Variants in INIP observed in about 807,000 individuals in gnomAD.
INIP encodes INTS3 and NABP interacting protein, also known as SOSS complex subunit C.
A neutral mutation model predicts 14.0 loss-of-function variants in INIP; 9 were observed. The observed-to-expected ratio is 0.64, with a 90% CI of 0.39 to 1.12. INIP has a LOEUF of 1.12. Among genes scored for constraint, INIP ranks in the 50% most tolerant of loss-of-function variants. The probability of loss-of-function intolerance (pLI) is 0.01; values close to 1 mark genes in which losing one functional copy is unlikely to be tolerated. For synonymous variants in INIP, 37 were observed against 41.5 expected (o/e 0.89, Z 0.41); for missense variants, 78 against 122.7 (o/e 0.64, Z 1.72).
chr9:112,688,072 C>T (rs1164243146), intron 4 of INIP, among the ~76,000 whole-genome samples: 2 of 147,704 alleles, frequency 1.4e-5, no homozygotes, highest in South Asian at 2.1e-4. Flanking sequence ...GGCGACAGAG[C>T]GAGACTCCAT....
chr9:112,706,717 A>G (rs190272931), intron 2 of INIP, among the ~76,000 whole-genome samples: 2 of 152,142 alleles, frequency 1.3e-5, no homozygotes, highest in Non-Finnish European at 2.9e-5. Context: ...TTAGTCTCAG[A>G]AGCACAAAGA....
At chr9:112,715,945 G>A (rs1409459247) in intron 2 of INIP, among the ~76,000 whole-genome samples, 1 of 152,118 alleles carries the variant, frequency 6.6e-6, no homozygotes, top group African/African-American at 2.4e-5. Context: ...TTAGGCGATT[G>A]AAATTTTTCA....
intron 4 of INIP, among the ~76,000 whole-genome samples, chr9:112,688,951 G>GA (rs773081309): frequency 6.6e-6 from 1 of 151,754 alleles, no homozygotes; most frequent in South Asian, 2.1e-4. Context: ...ATGCCTATGG[G>GA]AAAAAAATGT....
intron 3 of INIP, 43 bp downstream of exon 3, chr9:112,694,073 TCAAAACAAAACAAAA>T (rs377334816): frequency 8.2e-7 from 1 of 1,222,744 alleles, no homozygotes; most frequent in Non-Finnish European, 1.2e-6. Context: ...AGACTCCGTC[TCAAAACAAAACAAAA>T]CAAAACAAAA....
chr9:112,705,557 C>T (rs1186107301), intron 2 of INIP, among the ~76,000 whole-genome samples: 2 of 152,132 alleles, frequency 1.3e-5, no homozygotes, highest in African/African-American at 4.8e-5. Context: ...GTGATTCTCC[C>T]ACTTTGGCCT....
chr9:112,690,390 G>T (rs776369849), intron 3 of INIP, among the ~76,000 whole-genome samples: 30 of 152,074 alleles, frequency 2.0e-4, no homozygotes, highest in Non-Finnish European at 3.2e-4. Context: ...GGGAGGCTGA[G>T]ATGGGAGGAT....
At chr9:112,714,486 A>C (rs988122522) in intron 2 of INIP, among the ~76,000 whole-genome samples, 2 of 152,226 alleles carry the variant, frequency 1.3e-5, no homozygotes, top group African/African-American at 4.8e-5. Flanking sequence ...ATAGCAGCAA[A>C]TGTGTCTGAC....
At chr9:112,694,288 A>AT (rs1308990625) in intron 2 of INIP, 55 bp from the exon 3 acceptor site, 1 of 1,035,214 alleles carries the variant, frequency 9.7e-7, no homozygotes, top group Admixed American at 2.1e-5. Flanking sequence ...AATCAGAAAC[A>AT]TTTTAGACCT....
At chr9:112,693,513 TA>T (rs1408144687) in intron 3 of INIP, among the ~76,000 whole-genome samples, 1 of 152,276 alleles carries the variant, frequency 6.6e-6, no homozygotes, top group African/African-American at 2.4e-5. Context: ...AGATGCTATA[TA>T]AGTAGAGTTC....
At chr9:112,692,741 A>C (rs1287327312) in intron 3 of INIP, among the ~76,000 whole-genome samples, 1 of 152,020 alleles carries the variant, frequency 6.6e-6, no homozygotes, top group African/African-American at 2.4e-5. Flanking sequence ...ACTCAAAAAA[A>C]AAAAAAGGCT....
At chr9:112,701,550 A>G (rs1358493311) in intron 2 of INIP, among the ~76,000 whole-genome samples, 1 of 152,226 alleles carries the variant, frequency 6.6e-6, no homozygotes, top group Non-Finnish European at 1.5e-5. Context: ...AGTATACTGG[A>G]ATGTCTCATT....
intron 2 of INIP, among the ~76,000 whole-genome samples, chr9:112,711,680 G>A (rs117219147): frequency 0.013 from 1,970 of 152,270 alleles, 24 homozygotes; most frequent in Non-Finnish European, 0.022. Flanking sequence ...ACAAGGGAAT[G>A]TGGACCTATG....
At chr9:112,698,269 A>G (rs1184657413) in intron 2 of INIP, among the ~76,000 whole-genome samples, 1 of 140,296 alleles carries the variant, frequency 7.1e-6, no homozygotes, top group Non-Finnish European at 1.5e-5. Context: ...ATGCCACTGC[A>G]CTTCAGCCTG....
chr9:112,702,170 T>C (rs1020221241), intron 2 of INIP, among the ~76,000 whole-genome samples: 5 of 152,232 alleles, frequency 3.3e-5, no homozygotes, highest in South Asian at 4.1e-4. Context: ...AATGGCCACA[T>C]TGGAAAATCC....
intron 2 of INIP, among the ~76,000 whole-genome samples, chr9:112,700,641 C>G (rs751555955): frequency 1.3e-5 from 2 of 150,034 alleles, no homozygotes; most frequent in Non-Finnish European, 3.0e-5. Context: ...CTATATTTGA[C>G]GATTTTCTAC....
At chr9:112,715,275 T>G (rs1838774425) in intron 2 of INIP, among the ~76,000 whole-genome samples, 1 of 152,108 alleles carries the variant, frequency 6.6e-6, no homozygotes, top group Non-Finnish European at 1.5e-5. Context: ...GGTGAGTCAG[T>G]GAGTGAGTTG....
chr9:112,705,110 C>CA (rs1194911436), intron 2 of INIP, among the ~76,000 whole-genome samples: 6,654 of 45,502 alleles, frequency 0.15, 811 homozygotes, highest in African/African-American at 0.2. Context: ...GACCCTGTCT[C>CA]AAAAAAAAAA....
intron 2 of INIP, among the ~76,000 whole-genome samples, chr9:112,696,559 A>T (rs2131292533): frequency 1.3e-5 from 2 of 152,264 alleles, no homozygotes; most frequent in South Asian, 4.2e-4. Flanking sequence ...TTCTGATACT[A>T]TCTACCTGGA....
chr9:112,703,737 C>T (rs1364877540), intron 2 of INIP, among the ~76,000 whole-genome samples: 2 of 152,108 alleles, frequency 1.3e-5, no homozygotes, highest in African/African-American at 4.8e-5. Context: ...CCACTGTGCC[C>T]AGCCGAGAAG....
Sources: gnomAD v4.1 joint callset for allele counts (sites outside exome capture counted in the v4.1 genomes callset) on GRCh38, gnomAD v4.1.1 for gene constraint, MANE v1.5 for transcripts, NCBI Gene and HGNC (gene_info 2026-07-23, HGNC 2026-07-21) for gene names.